Variants in RYR2 observed in about 807,000 individuals in gnomAD.
RYR2 encodes ryanodine receptor 2.
Under a neutral mutation model 601.1 loss-of-function variants are expected in RYR2, and 227 were observed. The ratio of observed to expected loss-of-function variants is 0.38; its 90% CI spans 0.34 to 0.42. The LOEUF (loss-of-function observed/expected upper bound fraction) is 0.42. Among genes scored for constraint, RYR2 ranks in the 10% least tolerant of loss-of-function variants. RYR2 has a pLI of 1.00. For missense variants in RYR2, 4,646 were observed against 6,156.5 expected, an observed-to-expected ratio of 0.75 and a Z score of 8.21; for synonymous variants, 2,223 against 2,175.1, an observed-to-expected ratio of 1.02 and a Z score of -0.61.
chr1:237,656,761 G>T (rs917249478), intron 53 of RYR2, among the ~76,000 whole-genome samples: 3 of 152,162 alleles, frequency 2.0e-5, no homozygotes, highest in African/African-American at 7.2e-5. Context: ...GCCCCCAGCT[G>T]ATTTAGCTTC....
intron 25 of RYR2, among the ~76,000 whole-genome samples, chr1:237,538,248 A>G (rs1432732435): frequency 2.0e-5 from 3 of 150,688 alleles, no homozygotes; most frequent in Non-Finnish European, 4.4e-5. Flanking sequence ...AAAAAAAATT[A>G]GCCAGGCATG....
intron 53 of RYR2, among the ~76,000 whole-genome samples, chr1:237,656,601 A>G (rs1490924100): frequency 6.6e-6 from 1 of 152,188 alleles, no homozygotes; most frequent in Non-Finnish European, 1.5e-5. Flanking sequence ...ATGGTTCTCC[A>G]TGTGCAAGGA....
chr1:237,742,239 A>C lies in RYR2; in HGVS notation c.11092-57A>C, dbSNP rs1050512239. 9.9e-5 allele frequency: 115 copies of C among 1,167,438 alleles called. No individual in the cohort carries two copies. In the Middle Eastern group the frequency reaches 1.9e-3, roughly 19 times the overall value. The allele number at this position is 1,167,438 out of a possible 1,614,324, so 72.3% of individuals were successfully genotyped here. On this transcript the variant is annotated intron_variant, in intron 79 of 104. Transcript: ENST00000366574. ...TCTTCTATGTCTAATGTTCTTTTGC[A>C]CTTTCTAAAATCTCAACATATTCCT... is the stretch of plus-strand genomic sequence containing the variant.
chr1:237,226,013 C>T (rs1684322877), intron 1 of RYR2, among the ~76,000 whole-genome samples: 1 of 151,610 alleles, frequency 6.6e-6, no homozygotes. Context: ...AGAGATTGTG[C>T]CACTGCACTC....
chr1:237,367,611 T>A (rs1482181463), intron 5 of RYR2, among the ~76,000 whole-genome samples: 3 of 152,174 alleles, frequency 2.0e-5, no homozygotes, highest in Non-Finnish European at 4.4e-5. Context: ...GTATCATCAC[T>A]CTTATTCTGA....
At chr1:237,532,438 T>A (rs944679066) in intron 25 of RYR2, among the ~76,000 whole-genome samples, 2 of 152,154 alleles carry the variant, frequency 1.3e-5, no homozygotes, top group Admixed American at 6.5e-5. Flanking sequence ...AGCTCAATTA[T>A]GCCTTTGTTC....
At chr1:237,693,548 T>C (rs1392701437) in intron 63 of RYR2, among the ~76,000 whole-genome samples, 1 of 152,200 alleles carries the variant, frequency 6.6e-6, no homozygotes, top group Non-Finnish European at 1.5e-5. Context: ...GCCAGCATTT[T>C]GTAATACAAT....
Position 237,180,177 on chromosome 1 carries a change from G to A in RYR2, c.49-90320G>A, listed in dbSNP as rs1678542242. 6.6e-6 allele frequency among the ~76,000 whole-genome samples: 1 copy of A among 151,060 alleles called. No individual in the cohort carries two copies. On this transcript the variant is annotated intron_variant, in intron 1 of 104. Coordinates refer to ENST00000366574, the MANE Select transcript of RYR2 (RefSeq NM_001035.3). The surrounding 1 kb of genome is among the most constrained non-coding windows in gnomAD (Gnocchi z 5.3). Reference sequence around the variant, plus strand: ...CTGGGACAATGGCCTGATGGGAAATGCTGCATTTGGTCCCCAGGTCAGGAA... The same window carrying A: ...CTGGGACAATGGCCTGATGGGAAATACTGCATTTGGTCCCCAGGTCAGGAA...
In RYR2 at chr1:237,236,781, T is replaced by C. The variant is rs559097811; in HGVS notation, c.49-33716T>C. On this transcript the variant is annotated intron_variant, in intron 1 of 104. Coordinates refer to ENST00000366574, the MANE Select transcript of RYR2 (RefSeq NM_001035.3). ...TAATGGGATGGCGTGCTTTGAGATA[T>C]CATGTTGAGGAATTATCTACAATAT... is the stretch of plus-strand genomic sequence containing the variant. Among the ~76,000 whole-genome samples, 6 of 152,290 alleles carry C rather than the reference T, an allele frequency of 3.9e-5. 1 individual carries two copies. The South Asian group carries it at 6.2e-4, about 16-fold the overall frequency.
chr1:237,054,237 T>C (rs1260253468), intron 1 of RYR2, among the ~76,000 whole-genome samples: 1 of 142,312 alleles, frequency 7.0e-6, no homozygotes, highest in African/African-American at 2.6e-5. Context: ...CCTCCTTCTC[T>C]CCCTCCCTTT....
chr1:237,643,889 C>T (rs998461534), intron 48 of RYR2, among the ~76,000 whole-genome samples: 16 of 152,142 alleles, frequency 1.1e-4, no homozygotes, highest in Non-Finnish European at 1.5e-5. Context: ...GCTGGGATTA[C>T]AGGTGTGAGC....
chr1:237,473,657 C>G (rs1277456118), intron 17 of RYR2, among the ~76,000 whole-genome samples: 1 of 151,948 alleles, frequency 6.6e-6, no homozygotes, highest in Non-Finnish European at 1.5e-5. Flanking sequence ...GCGGGGCAGT[C>G]AACAGCACTT....
At chr1:237,594,876 A>C (rs1020508261) in intron 33 of RYR2, among the ~76,000 whole-genome samples, 1 of 112,938 alleles carries the variant, frequency 8.9e-6, no homozygotes, top group African/African-American at 3.6e-5. Context: ...TTTGTGGTTA[A>C]TATCACTGGG....
chr1:237,604,711 T>C (rs1676908048), intron 35 of RYR2, among the ~76,000 whole-genome samples: 2 of 152,044 alleles, frequency 1.3e-5, no homozygotes, highest in South Asian at 4.2e-4. Context: ...AAGAATCAAA[T>C]AGATGCAATA....
chr1:237,303,763 AGTT>A, intron 2 of RYR2, among the ~76,000 whole-genome samples: 1 of 152,188 alleles, frequency 6.6e-6, no homozygotes. Flanking sequence ...GGTTTTCTCT[AGTT>A]GTTTAACATC....
intron 33 of RYR2, among the ~76,000 whole-genome samples, chr1:237,595,291 G>A (rs1472297526): frequency 2.0e-5 from 3 of 152,148 alleles, no homozygotes; most frequent in African/African-American, 7.2e-5. Flanking sequence ...GGTGTGAAAT[G>A]TAGAGACTTA....
At chr1:237,639,785 G>C (rs1429985543) in intron 46 of RYR2, among the ~76,000 whole-genome samples, 1 of 152,118 alleles carries the variant, frequency 6.6e-6, no homozygotes, top group African/African-American at 2.4e-5. Flanking sequence ...GCTTATCTGT[G>C]TAGGTGAATG....
chr1:237,259,516 G>C lies in RYR2; in HGVS notation c.49-10981G>C, dbSNP rs1484086412. Among the ~76,000 whole-genome samples, 8 of 128,484 alleles carry C rather than the reference G, an allele frequency of 6.2e-5. No homozygotes were observed. The Admixed American group carries it at 6.9e-4, about 11-fold the overall frequency. 84.3% of individuals were successfully genotyped at this position (128,484 alleles called of 152,430 possible). On this transcript the variant is annotated intron_variant, in intron 1 of 104. Transcript: ENST00000366574. ...GTGAGACTCCAGCCTGGGCAACAGA[G>C]CTCTAGACCATTTAAAAAAAAAAAA... is the stretch of plus-strand genomic sequence containing the variant.
chr1:237,572,381 C>A (rs1672791857), intron 29 of RYR2, among the ~76,000 whole-genome samples: 1 of 152,140 alleles, frequency 6.6e-6, no homozygotes, highest in South Asian at 2.1e-4. Flanking sequence ...ACATGATACA[C>A]ACAGATTTGC....
Sources: gnomAD v4.1 joint callset for allele counts (sites outside exome capture counted in the v4.1 genomes callset) on GRCh38, gnomAD v4.1.1 for gene constraint, Gnocchi (gnomAD v3.1) non-coding constraint, MANE v1.5 for transcripts, NCBI Gene and HGNC (gene_info 2026-07-23, HGNC 2026-07-21) for gene names.